The following SAMSN1 variants were observed in gnomAD, a reference collection of about 807,000 sequenced individuals.
SAMSN1 encodes SAM domain, SH3 domain and nuclear localization signals 1, also known as SAM domain-containing protein SAMSN-1.
Under a neutral mutation model 42.0 loss-of-function variants are expected in SAMSN1, and 31 were observed. That is an observed-to-expected ratio of 0.74 (90% CI 0.55 to 1.00). The LOEUF is 1.00. SAMSN1 is among the 50% of genes least tolerant of loss of function. The pLI is 0.00. For synonymous variants in SAMSN1, 178 were observed against 151.9 expected (o/e 1.17, Z -1.26); for missense variants, 464 against 439.4 (o/e 1.06, Z -0.50).
At chr21:14,499,143 T>C (rs116719887) in intron 6 of SAMSN1, among the ~76,000 whole-genome samples, 88 of 152,244 alleles carry the variant, frequency 5.8e-4, no homozygotes, top group African/African-American at 2.1e-3. Flanking sequence ...ACCAAAAGAA[T>C]TGGAGACTTT....
At chr21:14,647,241 G>A (rs1983732812) in intron 1 of SAMSN1, among the ~76,000 whole-genome samples, 1 of 151,994 alleles carries the variant, frequency 6.6e-6, no homozygotes, top group African/African-American at 2.4e-5. Context: ...ATTAAATAGG[G>A]AATCCTTTCC....
exon 2 of SAMSN1, chr21:14,643,022 T>C (rs1483063167): frequency 1.4e-6 from 1 of 717,310 alleles, no homozygotes; most frequent in South Asian, 1.5e-5. Flanking sequence ...TTGTTTGGTG[T>C]TTGTTCACTC....
intron 3 of SAMSN1, 49 bp downstream of exon 3, chr21:14,516,843 T>G: frequency 6.7e-7 from 1 of 1,495,220 alleles, no homozygotes; most frequent in African/African-American, 1.4e-5. Context: ...CTGAATAGTT[T>G]AAGAAAGTTT....
chr21:14,644,409 G>A (rs2123384298), intron 1 of SAMSN1, among the ~76,000 whole-genome samples: 1 of 152,126 alleles, frequency 6.6e-6, no homozygotes, highest in South Asian at 2.1e-4. Flanking sequence ...ACATTTCTAG[G>A]CAACCTTGGG....
intron 7 of SAMSN1, among the ~76,000 whole-genome samples, chr21:14,494,362 A>G (rs1986821208): frequency 1.3e-5 from 2 of 152,180 alleles, no homozygotes; most frequent in African/African-American, 4.8e-5. Flanking sequence ...CATATACACC[A>G]TGGAATACTA....
intron 2 of SAMSN1, among the ~76,000 whole-genome samples, chr21:14,642,753 T>A (rs191032637): frequency 4.6e-5 from 7 of 152,210 alleles, no homozygotes; most frequent in Admixed American, 3.3e-4. Flanking sequence ...TTATTTATAG[T>A]CATAAGGTTG....
rs995654605 is a variant in SAMSN1 at position 14,606,052 on chromosome 21, G to A, written c.322+3430C>T. ...AGACGGGGTTTCACTGTGTTAGCCA[G>A]GATGGTCTTGATCTCCTGACCTCAT... On this transcript the variant is annotated intron_variant, in intron 5 of 15. Coordinates refer to the SAMSN1 transcript ENST00000647101. Among the ~76,000 whole-genome samples, 3 of 152,164 alleles carry A rather than the reference G, an allele frequency of 2.0e-5. No homozygotes were observed. In the South Asian group the frequency reaches 6.2e-4, roughly 32 times the overall value.
intron 1 of SAMSN1, among the ~76,000 whole-genome samples, chr21:14,534,345 A>G (rs1315027171): frequency 3.3e-5 from 5 of 152,176 alleles, no homozygotes; most frequent in East Asian, 3.8e-4. Context: ...ATCCTCAACA[A>G]AAATCCCAGG....
chr21:14,510,536 T>C, intron 4 of SAMSN1, 75 bp from the exon 5 acceptor site: 1 of 1,524,074 alleles, frequency 6.6e-7, no homozygotes, highest in Non-Finnish European at 9.1e-7. Flanking sequence ...CACAACTAAG[T>C]ATTGATAATG....
chr21:14,548,629 A>C (rs1472565289), upstream of SAMSN1, among the ~76,000 whole-genome samples: 1 of 152,146 alleles, frequency 6.6e-6, no homozygotes, highest in Non-Finnish European at 1.5e-5. Context: ...TCTTTCTTTC[A>C]CTCAAGAAAA....
chr21:14,625,723 A>G (rs1439023999), intron 2 of SAMSN1, among the ~76,000 whole-genome samples: 1 of 152,244 alleles, frequency 6.6e-6, no homozygotes, highest in Non-Finnish European at 1.5e-5. Context: ...TTACAGATTC[A>G]ATGCCATCCC....
intron 7 of SAMSN1, among the ~76,000 whole-genome samples, chr21:14,591,762 C>T (rs930410549): frequency 6.6e-6 from 1 of 152,138 alleles, no homozygotes; most frequent in Non-Finnish European, 1.5e-5. Context: ...TCTTATTCCA[C>T]TGTAAAAACA....
intron 2 of SAMSN1, among the ~76,000 whole-genome samples, chr21:14,638,467 A>C (rs1486347140): frequency 9.2e-5 from 14 of 152,194 alleles, no homozygotes; most frequent in Admixed American, 9.2e-4. Flanking sequence ...TTTTCTGTGA[A>C]AATCAGATAG....
intron 5 of SAMSN1, among the ~76,000 whole-genome samples, chr21:14,604,667 T>A (rs569724654): frequency 6.6e-5 from 10 of 152,236 alleles, no homozygotes; most frequent in East Asian, 3.8e-4. Context: ...CCCTTGAATG[T>A]TGCACACACT....
At chr21:14,492,982 G>T (rs1191884328) in intron 7 of SAMSN1, among the ~76,000 whole-genome samples, 1 of 152,186 alleles carries the variant, frequency 6.6e-6, no homozygotes, top group Non-Finnish European at 1.5e-5. Context: ...CAGGGGCTAG[G>T]CCCAGGCTAT....
intron 1 of SAMSN1, among the ~76,000 whole-genome samples, chr21:14,543,434 C>A (rs1004658691): frequency 6.6e-6 from 1 of 151,880 alleles, no homozygotes; most frequent in Non-Finnish European, 1.5e-5. Flanking sequence ...ACATGTTTAT[C>A]GATAAGTTTT....
In SAMSN1 at chr21:14,516,877, T is replaced by A. The variant is rs780349504; in HGVS notation, c.279+15A>T. 1.3e-6 allele frequency: 2 copies of A among 1,589,648 alleles called. No homozygotes were observed. The highest frequency in any genetic ancestry group is 1.1e-5 in the South Asian group (1 of 87,886). Reference sequence around the variant, plus strand: ...TTTAGTAGAAAAATACAAATGATTATCAGAGAATATTTACCTTTTCCTCAG... The same window carrying A: ...TTTAGTAGAAAAATACAAATGATTAACAGAGAATATTTACCTTTTCCTCAG... On this transcript the variant is annotated intron_variant, in intron 3 of 7. Transcript: ENST00000400566.
At chr21:14,537,939 G>A (rs1979737589) in intron 1 of SAMSN1, among the ~76,000 whole-genome samples, 1 of 152,160 alleles carries the variant, frequency 6.6e-6, no homozygotes, top group Non-Finnish European at 1.5e-5. Flanking sequence ...CAAGTTCTTA[G>A]ATTCAAGTCA....
At chr21:14,582,443 G>C in exon 2 of SAMSN1, 1 of 1,520,154 alleles carries the variant, frequency 6.6e-7, no homozygotes, top group Non-Finnish European at 8.9e-7. Context: ...CTTTTCTCGG[G>C]ACTTGGTTAA....
Sources: allele counts gnomAD v4.1 joint callset (sites outside exome capture counted in the v4.1 genomes callset), GRCh38; gene constraint gnomAD v4.1.1; transcripts MANE v1.5; gene names NCBI Gene and HGNC (gene_info 2026-07-23, HGNC 2026-07-21).